Variants in QPCT observed in about 807,000 individuals in gnomAD.
QPCT encodes glutaminyl-peptide cyclotransferase.
Under a neutral mutation model 43.4 loss-of-function variants are expected in QPCT, and 44 were observed. That is an observed-to-expected ratio of 1.01 (90% confidence interval 0.80 to 1.30). QPCT has a LOEUF of 1.30. Ranked by LOEUF, QPCT falls within the 50% of genes most tolerant of loss-of-function variation. The pLI, the probability that QPCT is intolerant of heterozygous loss-of-function variation, is 0.00. For synonymous variants in QPCT, 168 were observed against 168.4 expected (o/e 1.00, Z 0.02); for missense variants, 526 against 436.5 (o/e 1.21, Z -1.83).
At chr2:37,359,385 C>T (rs1204929949) in intron 2 of QPCT, among the ~76,000 whole-genome samples, 195 bp from the exon 3 acceptor site, 1 of 152,080 alleles carries the variant, frequency 6.6e-6, no homozygotes, top group Non-Finnish European at 1.5e-5. Context: ...TTAGCTTCTC[C>T]TTTAAACAGG....
At chr2:37,368,719 A>T (rs1673014381) in intron 4 of QPCT, 1 of 470,976 alleles carries the variant, frequency 2.1e-6, no homozygotes, top group African/African-American at 2.0e-5. Context: ...GAACATATTC[A>T]CAAGAGGAGA....
chr2:37,346,343 A>C (rs1486420972), intron 1 of QPCT, among the ~76,000 whole-genome samples: 1 of 152,210 alleles, frequency 6.6e-6, no homozygotes, highest in Non-Finnish European at 1.5e-5. Context: ...ATGACACACA[A>C]AAAATCCTCT....
chr2:37,369,684 G>A lies in QPCT; in HGVS notation c.724-1G>A. On this transcript the variant is annotated splice_acceptor_variant, in intron 4 of 6. Coordinates refer to ENST00000338415, the MANE Select transcript of QPCT (RefSeq NM_012413.4). LOFTEE classifies it high-confidence loss of function. ...ATTAAACATTACTTTTTCTCCCTCA[G>A]GATTTATTGGTCTTATTGGATTTGA... 6.3e-7 allele frequency: 1 copy of A among 1,581,230 alleles called. No individual in the cohort carries two copies. Among genetic ancestry groups the A allele is most frequent in the South Asian group, 1.1e-5 (1 of 90,356 alleles).
chr2:37,354,139 C>G (rs1316171380), intron 2 of QPCT, among the ~76,000 whole-genome samples: 1 of 152,250 alleles, frequency 6.6e-6, no homozygotes, highest in Non-Finnish European at 1.5e-5. Flanking sequence ...GCTGGGATTA[C>G]AGGCGTGAGC....
chr2:37,368,441 G>A, intron 4 of QPCT: 1 of 346,508 alleles, frequency 2.9e-6, no homozygotes, highest in Non-Finnish European at 5.8e-6. Context: ...ACTAGCCCCG[G>A]TGCCTTCATC....
intron 1 of QPCT, among the ~76,000 whole-genome samples, chr2:37,350,035 ATGTCT>A (rs1672585235): frequency 6.6e-6 from 1 of 152,188 alleles, no homozygotes; most frequent in South Asian, 2.1e-4. Flanking sequence ...TATGGAGCTG[ATGTCT>A]TGTATGAAAG....
intron 5 of QPCT, among the ~76,000 whole-genome samples, chr2:37,371,301 C>T (rs572173644): frequency 6.6e-6 from 1 of 151,864 alleles, no homozygotes; most frequent in African/African-American, 2.4e-5. Flanking sequence ...CACCTTCATT[C>T]AATTTTAACC....
At chr2:37,362,795 A>T (rs1398124462) in intron 3 of QPCT, among the ~76,000 whole-genome samples, 1 of 152,216 alleles carries the variant, frequency 6.6e-6, no homozygotes, top group Non-Finnish European at 1.5e-5. Flanking sequence ...GAGATGTGAT[A>T]AGCTGAGGAA....
intron 2 of QPCT, among the ~76,000 whole-genome samples, chr2:37,354,973 C>CCTTT: frequency 6.6e-6 from 1 of 152,192 alleles, no homozygotes; most frequent in African/African-American, 2.4e-5. Flanking sequence ...CAACAGAATA[C>CCTTT]AGTATATAGG....
intron 3 of QPCT, among the ~76,000 whole-genome samples, chr2:37,363,504 A>G (rs994804621): frequency 6.6e-6 from 1 of 150,748 alleles, no homozygotes; most frequent in Non-Finnish European, 1.5e-5. Flanking sequence ...GGTGGTACAC[A>G]CCTGTAATCC....
intron 3 of QPCT, chr2:37,360,125 G>T: frequency 2.4e-6 from 1 of 424,296 alleles, no homozygotes; most frequent in Non-Finnish European, 4.2e-6. Flanking sequence ...ATTTCTTTGT[G>T]AAAAATGAAG....
chr2:37,367,246 C>G lies in QPCT; in HGVS notation c.561C>G (p.Ser187=). The change falls in exon 4 of 7, where the codon TCC becomes TCG. Residue 187 remains serine, a synonymous_variant. Transcript: ENST00000338415. ...KLLSLKTVSD[S]KPDLSLQLIF... ...GTTTTTACCAGACTGTTTCAGACTC[C>G]AAGCCAGATTTGTCACTCCAGCTGA... The G allele has an allele frequency of 6.2e-7, 1 of 1,613,488 alleles. No individual in the cohort carries two copies. The highest frequency in any genetic ancestry group is 8.5e-7 in the Non-Finnish European group (1 of 1,179,692).
chr2:37,359,462 C>A, intron 2 of QPCT, 118 bp from the exon 3 acceptor site: 1 of 876,004 alleles, frequency 1.1e-6, no homozygotes, highest in Non-Finnish European at 1.7e-6. Flanking sequence ...GCTATGAATT[C>A]ATTAAGTGTG....
intron 3 of QPCT, among the ~76,000 whole-genome samples, chr2:37,364,666 G>A (rs1672920022): frequency 1.3e-5 from 2 of 152,166 alleles, no homozygotes; most frequent in African/African-American, 4.8e-5. Context: ...TTTTTGGTCT[G>A]AGTAACTGCA....
intron 5 of QPCT, among the ~76,000 whole-genome samples, chr2:37,370,672 A>G (rs911502759): frequency 2.0e-5 from 3 of 152,202 alleles, no homozygotes; most frequent in African/African-American, 7.2e-5. Context: ...TTTGAGATTT[A>G]GAGTCAAATA....
chr2:37,352,801 C>G lies in QPCT; in HGVS notation c.133C>G (p.Pro45Ala), dbSNP rs1371498104. ...ATTCAATCCTCAGAATTACCACCAG[C>G]CAGCCATTTTGAATTCATCGGCTCT... ...AWPEEKNYHQ[P>A]AILNSSALRQ... The change falls in exon 2 of 7, where the codon CCA becomes GCA. Residue 45 changes from proline (P) to alanine (A), a missense_variant. Coordinates refer to ENST00000338415, the MANE Select transcript of QPCT (RefSeq NM_012413.4). 3 of 1,613,798 alleles carry G rather than the reference C, an allele frequency of 1.9e-6. No individual in the cohort carries two copies. The highest frequency in any genetic ancestry group is 2.5e-6 in the Non-Finnish European group (3 of 1,179,842).
At chr2:37,347,697 T>C (rs1230514877) in intron 1 of QPCT, among the ~76,000 whole-genome samples, 3 of 152,188 alleles carry the variant, frequency 2.0e-5, no homozygotes, top group African/African-American at 7.2e-5. Flanking sequence ...TTCTGAATCT[T>C]CCCCAGGCCT....
chr2:37,356,424 G>A (rs561141567), intron 2 of QPCT, among the ~76,000 whole-genome samples: 10 of 151,828 alleles, frequency 6.6e-5, no homozygotes, highest in South Asian at 4.2e-4. Flanking sequence ...ATTGCCTTTC[G>A]GCACTCCTGG....
At position 37,352,772 on chromosome 2, in the gene QPCT, T is replaced by C; in HGVS notation, c.121-17T>C. 1.2e-6 allele frequency: 2 copies of C among 1,611,524 alleles called. No individual in the cohort carries two copies. The highest frequency in any genetic ancestry group is 1.7e-6 in the Non-Finnish European group (2 of 1,177,826). ...TATGAAAGGATAGCTAGTTAAATGATTTCATTCAATCCTCAGAATTACCAC... is the reference window on the plus strand; with the variant it reads ...TATGAAAGGATAGCTAGTTAAATGACTTCATTCAATCCTCAGAATTACCAC... On this transcript the variant is annotated splice_polypyrimidine_tract_variant and intron_variant, in intron 1 of 6. Transcript: ENST00000338415.
Sources: allele counts gnomAD v4.1 joint callset (sites outside exome capture counted in the v4.1 genomes callset), GRCh38; gene constraint gnomAD v4.1.1; transcripts MANE v1.5; gene names NCBI Gene and HGNC (gene_info 2026-07-23, HGNC 2026-07-21).